PCDH7: variants seen among roughly 807,000 people sequenced by gnomAD.
PCDH7 encodes the protein protocadherin 7, also known as protocadherin-7.
A neutral mutation model predicts 58.9 loss-of-function variants in PCDH7; 17 were observed. The observed-to-expected ratio is 0.29, with a 90% CI of 0.20 to 0.43. PCDH7 has a LOEUF of 0.43. Among genes scored for constraint, PCDH7 ranks in the 20% least tolerant of loss-of-function variants. The probability of loss-of-function intolerance (pLI) is 1.00; values close to 1 mark genes in which losing one functional copy is unlikely to be tolerated. For missense variants in PCDH7, 1,274 were observed against 1,441.0 expected (o/e 0.88, Z 1.88); for synonymous variants, 664 against 616.4 (o/e 1.08, Z -1.14).
intron 3 of PCDH7, among the ~76,000 whole-genome samples, chr4:30,956,991 A>G (rs568629441): frequency 2.7e-4 from 41 of 152,320 alleles, no homozygotes; most frequent in African/African-American, 9.6e-4. Flanking sequence ...GCTTGACATT[A>G]CAAATATTCT....
chr4:31,108,597 C>G (rs1007195081), intron 3 of PCDH7, among the ~76,000 whole-genome samples: 1 of 152,144 alleles, frequency 6.6e-6, no homozygotes, highest in East Asian at 1.9e-4. Flanking sequence ...TATCTCACAG[C>G]TGGAAAAGTA....
chr4:30,774,751 G>A (rs1052935572), intron 1 of PCDH7, among the ~76,000 whole-genome samples: 3 of 152,156 alleles, frequency 2.0e-5, no homozygotes, highest in Non-Finnish European at 4.4e-5. Context: ...TTATGTTCTA[G>A]GGATATATAG....
chr4:30,859,671 C>T (rs1733946396), intron 1 of PCDH7, among the ~76,000 whole-genome samples: 1 of 152,026 alleles, frequency 6.6e-6, no homozygotes, highest in Admixed American at 6.6e-5. Context: ...AACTCCTGAC[C>T]TCAAGTGATC....
chr4:31,046,235 T>A (rs1756271982), intron 3 of PCDH7, among the ~76,000 whole-genome samples: 1 of 151,998 alleles, frequency 6.6e-6, no homozygotes, highest in Non-Finnish European at 1.5e-5. Flanking sequence ...AATTTTTCCC[T>A]TTTCTTATTA....
At chr4:30,959,966 T>C (rs1477043842) in intron 3 of PCDH7, among the ~76,000 whole-genome samples, 1 of 152,052 alleles carries the variant, frequency 6.6e-6, no homozygotes, top group East Asian at 1.9e-4. Flanking sequence ...TAAATTTTGA[T>C]AGTCTAACCA....
At chr4:31,040,600 A>T (rs1175520352) in intron 3 of PCDH7, among the ~76,000 whole-genome samples, 2 of 152,194 alleles carry the variant, frequency 1.3e-5, no homozygotes, top group Non-Finnish European at 2.9e-5. Context: ...AACTAAAAAC[A>T]TTTCTTGAGT....
intron 1 of PCDH7, among the ~76,000 whole-genome samples, chr4:30,875,047 T>G (rs2109365344): frequency 6.6e-6 from 1 of 152,224 alleles, no homozygotes; most frequent in Non-Finnish European, 1.5e-5. Context: ...GGCTAAGACC[T>G]TAGAGACTGT....
intron 1 of PCDH7, among the ~76,000 whole-genome samples, chr4:30,811,470 C>T (rs561969017): frequency 2.6e-5 from 4 of 152,192 alleles, no homozygotes; most frequent in Admixed American, 6.5e-5. Context: ...CCTTCTTTGC[C>T]TAACGCTGTG....
intron 3 of PCDH7, among the ~76,000 whole-genome samples, chr4:31,002,308 A>G (rs1249763655): frequency 1.3e-5 from 2 of 152,244 alleles, no homozygotes; most frequent in African/African-American, 4.8e-5. Flanking sequence ...GCGTGTTCAC[A>G]CAGCTTCACA....
chr4:31,049,276 G>T (rs1052978147), intron 3 of PCDH7, among the ~76,000 whole-genome samples: 1 of 152,124 alleles, frequency 6.6e-6, no homozygotes, highest in South Asian at 2.1e-4. Flanking sequence ...CTTGAAAGGG[G>T]CTTCAAGGCA....
intron 1 of PCDH7, among the ~76,000 whole-genome samples, chr4:30,792,208 A>G (rs192568411): frequency 1.0e-3 from 155 of 152,312 alleles, no homozygotes; most frequent in African/African-American, 3.6e-3. Context: ...ATGAGCAACC[A>G]TTGAGAATGT....
intron 3 of PCDH7, 94 bp from the exon 3 acceptor site, chr4:31,142,379 G>A (rs1720371665): frequency 9.4e-7 from 1 of 1,066,974 alleles, no homozygotes; most frequent in Non-Finnish European, 1.3e-6. Flanking sequence ...AGATGGTAAG[G>A]AATATATTTA....
intron 3 of PCDH7, among the ~76,000 whole-genome samples, chr4:31,076,167 A>G (rs1758974880): frequency 6.6e-6 from 1 of 152,150 alleles, no homozygotes; most frequent in Non-Finnish European, 1.5e-5. Flanking sequence ...AGAGGAATGA[A>G]TTATGTCTGT....
intron 3 of PCDH7, among the ~76,000 whole-genome samples, chr4:31,120,441 C>CTTTTTTTTTTTTTTTTTTTTTTTTT (rs138878762): frequency 2.8e-5 from 3 of 107,996 alleles, no homozygotes; most frequent in Admixed American, 9.5e-5. Context: ...CTATTTTTTT[C>CTTTTTTTTTTTTTTTTTTTTTTTTT]TTTTTTTTTT....
At chr4:30,845,358 G>A (rs937515588) in intron 1 of PCDH7, among the ~76,000 whole-genome samples, 2 of 152,072 alleles carry the variant, frequency 1.3e-5, no homozygotes, top group Non-Finnish European at 2.9e-5. Context: ...GCATAACTTG[G>A]AAAATTTGTA....
At chr4:30,930,587 A>C in intron 2 of PCDH7, among the ~76,000 whole-genome samples, 1 of 152,176 alleles carries the variant, frequency 6.6e-6, no homozygotes, top group East Asian at 1.9e-4. Flanking sequence ...CTGAAATATA[A>C]GAGAATAAGG....
intron 3 of PCDH7, among the ~76,000 whole-genome samples, chr4:30,979,829 G>C (rs1027751244): frequency 1.3e-5 from 2 of 152,030 alleles, no homozygotes; most frequent in Admixed American, 1.3e-4. Flanking sequence ...TATTGAGCCT[G>C]ATTTTTCAAT....
intron 3 of PCDH7, among the ~76,000 whole-genome samples, chr4:31,017,731 A>T (rs191722055): frequency 4.4e-4 from 66 of 151,104 alleles, no homozygotes; most frequent in East Asian, 3.5e-3. Flanking sequence ...AAAATAAAAT[A>T]AAATTAATAC....
chr4:30,836,154 T>G (rs1261132702), intron 1 of PCDH7, among the ~76,000 whole-genome samples: 1 of 152,240 alleles, frequency 6.6e-6, no homozygotes, highest in Non-Finnish European at 1.5e-5. Context: ...GAAGATGTTG[T>G]AAGTACTGAC....
Sources: allele counts gnomAD v4.1 joint callset (sites outside exome capture counted in the v4.1 genomes callset), GRCh38; gene constraint gnomAD v4.1.1; transcripts MANE v1.5; gene names NCBI Gene and HGNC (gene_info 2026-07-23, HGNC 2026-07-21).